The following SKOR2 variants were observed in gnomAD, a reference collection of about 807,000 sequenced individuals.
SKOR2 encodes the protein LBX1 corepressor 1-like protein.
A neutral mutation model predicts 69.1 loss-of-function variants in SKOR2; 47 were observed. That is an observed-to-expected ratio of 0.68 (90% confidence interval 0.54 to 0.87). SKOR2 has a LOEUF of 0.87. SKOR2 is among the 40% of genes least tolerant of loss of function. The pLI is 0.00. For synonymous variants in SKOR2, 717 were observed against 672.6 expected (o/e 1.07, Z -1.02); for missense variants, 1,404 against 1,472.2 (o/e 0.95, Z 0.76).
intron 4 of SKOR2, among the ~76,000 whole-genome samples, chr18:47,233,842 G>A (rs72913180): frequency 0.012 from 1,865 of 152,196 alleles, 24 homozygotes; most frequent in Non-Finnish European, 0.019. Context: ...CTTTACATTG[G>A]TATGAAACCA....
chr18:47,250,958 A>T (rs1600054781), intron 1 of SKOR2, among the ~76,000 whole-genome samples: 1 of 152,084 alleles, frequency 6.6e-6, no homozygotes. Context: ...CTCCCCAGCA[A>T]GGCGCGCGGC....
chr18:47,215,628 G>T (rs1300291107), intron 7 of SKOR2, among the ~76,000 whole-genome samples: 1 of 152,112 alleles, frequency 6.6e-6, no homozygotes, highest in Admixed American at 6.6e-5. Context: ...CAAAACATTA[G>T]TCCTTAATCT....
intron 7 of SKOR2, among the ~76,000 whole-genome samples, chr18:47,214,066 G>A (rs189266214): frequency 9.9e-4 from 150 of 152,266 alleles, no homozygotes; most frequent in Admixed American, 2.4e-3. Context: ...CATTTAAGAA[G>A]AGCCCTCAAC....
intron 7 of SKOR2, among the ~76,000 whole-genome samples, chr18:47,217,351 T>C (rs1277346435): frequency 6.6e-6 from 1 of 152,210 alleles, no homozygotes; most frequent in African/African-American, 2.4e-5. Flanking sequence ...GCCGTTCATT[T>C]TGGTTGAGGA....
At chr18:47,237,058 CTTG>C (rs1469448486) in intron 4 of SKOR2, among the ~76,000 whole-genome samples, 6 of 152,216 alleles carry the variant, frequency 3.9e-5, no homozygotes, top group Non-Finnish European at 8.8e-5. Flanking sequence ...TCCACAAATA[CTTG>C]TTGTACTTTT....
intron 7 of SKOR2, among the ~76,000 whole-genome samples, chr18:47,214,412 C>G (rs2064137468): frequency 6.6e-6 from 1 of 152,080 alleles, no homozygotes; most frequent in African/African-American, 2.4e-5. Context: ...GAAGAATTAT[C>G]CCTACTAGAA....
chr18:47,248,248 G>A lies in SKOR2; in HGVS notation c.936C>T (p.Asp312=). 8.2e-7 allele frequency: 1 copy of A among 1,222,554 alleles called. No individual in the cohort carries two copies. The highest frequency in any genetic ancestry group is 1.0e-6 in the Non-Finnish European group (1 of 983,580). 75.7% of individuals were successfully genotyped at this position (1,222,554 alleles called of 1,614,324 possible). A position where few individuals can be genotyped will look rare whatever the true frequency, so the allele number is the denominator to read the frequency against. ...PHAHHKRPRF[D]DDDDSLQEAA... ...CCTCCTGCAAGGAGTCGTCGTCGTC[G>A]TCGAAGCGCGGCCGCTTGTGATGGG... Residue 312 remains aspartate, a synonymous_variant, in exon 2 of 9, where the codon GAC becomes GAT. Coordinates refer to ENST00000425639, the MANE Select transcript of SKOR2 (RefSeq NM_001278063.4). This position sits in a 1 kb window ranked among gnomAD's most constrained non-coding sequence, Gnocchi z 6.4.
At chr18:47,219,631 A>G (rs937547790) in intron 7 of SKOR2, among the ~76,000 whole-genome samples, 5 of 152,202 alleles carry the variant, frequency 3.3e-5, no homozygotes, top group Non-Finnish European at 7.4e-5. Context: ...CTGAGCTCGT[A>G]GCATAGCCCA....
chr18:47,221,839 A>G (rs1026745320), intron 6 of SKOR2, among the ~76,000 whole-genome samples: 2 of 152,250 alleles, frequency 1.3e-5, no homozygotes, highest in African/African-American at 2.4e-5. Context: ...GGCCTACCAC[A>G]GTGCCTGGCA....
chr18:47,218,607 A>AT, intron 7 of SKOR2, among the ~76,000 whole-genome samples: 1 of 151,846 alleles, frequency 6.6e-6, no homozygotes, highest in African/African-American at 2.4e-5. Context: ...AAAAAAAAAA[A>AT]AAATCTGAAA....
At chr18:47,233,832 C>G (rs1028917108) in intron 4 of SKOR2, among the ~76,000 whole-genome samples, 5 of 152,156 alleles carry the variant, frequency 3.3e-5, no homozygotes, top group Admixed American at 3.3e-4. Flanking sequence ...TAATTAGTAG[C>G]TTTACATTGG....
chr18:47,231,183 G>T, intron 4 of SKOR2, 183 bp from the exon 5 acceptor site: 1 of 1,535,944 alleles, frequency 6.5e-7, no homozygotes. Context: ...CGGAGGGGAG[G>T]TGCAGAAAAG....
chr18:47,245,043 A>T, intron 3 of SKOR2, 61 bp from the exon 4 acceptor site: 1 of 1,450,006 alleles, frequency 6.9e-7, no homozygotes, highest in Non-Finnish European at 9.2e-7. Context: ...GCACACAAAG[A>T]TCCAATTTTT....
rs2064287211 is a variant in SKOR2 at position 47,247,701 on chromosome 18, G to T, written c.1483C>A (p.Leu495Ile). 5.1e-6 allele frequency: 7 copies of T among 1,364,248 alleles called. No homozygotes were observed. Among genetic ancestry groups the T allele is most frequent in the African/African-American group, 1.5e-5 (1 of 65,130 alleles). 84.5% of individuals were successfully genotyped at this position (1,364,248 alleles called of 1,614,324 possible). ...LQPPPQPPSA[L>I]GCALGESPAL... ...GGGCTTTCGCCTAGCGCGCAGCCTAGCGCCGAGGGCGGCTGAGGCGGGGGC... is the reference window on the plus strand; with the variant it reads ...GGGCTTTCGCCTAGCGCGCAGCCTATCGCCGAGGGCGGCTGAGGCGGGGGC... The change falls in exon 2 of 9, where the codon CTA becomes ATA. Residue 495 changes from leucine (L) to isoleucine (I), a missense_variant. By Grantham distance (5) the Leu-to-Ile change is conservative. Transcript: ENST00000425639. This position sits in a 1 kb window ranked among gnomAD's most constrained non-coding sequence, Gnocchi z 6.6.
chr18:47,229,323 CT>C (rs2064189036), intron 6 of SKOR2, among the ~76,000 whole-genome samples: 1 of 151,994 alleles, frequency 6.6e-6, no homozygotes, highest in South Asian at 2.1e-4. Flanking sequence ...AAAAAGTGCC[CT>C]GGAAAAAATT....
At chr18:47,213,549 C>A (rs1210140333) in intron 7 of SKOR2, among the ~76,000 whole-genome samples, 1 of 151,544 alleles carries the variant, frequency 6.6e-6, no homozygotes, top group South Asian at 2.1e-4. Context: ...AAGAGTTGGA[C>A]CATTTTACTG....
In SKOR2 at chr18:47,247,078, GGGCGGCGGCGGC is replaced by G. The variant is rs753158744; in HGVS notation, c.2094_2105del (p.Pro703_Pro706del). 41 of 1,369,238 alleles carry G rather than the reference GGGCGGCGGCGGC, an allele frequency of 3.0e-5. No homozygotes were observed. Among genetic ancestry groups the G allele is most frequent in the Middle Eastern group, 2.6e-4 (1 of 3,794 alleles). The allele number at this position is 1,369,238 out of a possible 1,614,324, so 84.8% of individuals were successfully genotyped here. A position where few individuals can be genotyped will look rare whatever the true frequency, so the allele number is the denominator to read the frequency against. ...GGTGCTGGGCCAGAGGGGGCGGCGG[GGGCGGCGGCGGC>G]GGCGGCGGCGGGGCCGGGTGGTGGC... On this transcript the variant is annotated inframe_deletion, in exon 2 of 9. Coordinates refer to ENST00000425639, the MANE Select transcript of SKOR2 (RefSeq NM_001278063.4). The surrounding 1 kb of genome is among the most constrained non-coding windows in gnomAD (Gnocchi z 6.6).
chr18:47,213,783 G>A (rs2064135327), intron 7 of SKOR2, among the ~76,000 whole-genome samples: 1 of 152,098 alleles, frequency 6.6e-6, no homozygotes, highest in East Asian at 1.9e-4. Flanking sequence ...GCTGAGATCA[G>A]CTAGATAACT....
intron 6 of SKOR2, among the ~76,000 whole-genome samples, chr18:47,227,206 C>T (rs181038428): frequency 7.4e-4 from 112 of 151,990 alleles, no homozygotes; most frequent in African/African-American, 2.7e-3. Context: ...TTTCCCTCTA[C>T]CCTTCCTCCT....
Sources: allele counts gnomAD v4.1 joint callset (sites outside exome capture counted in the v4.1 genomes callset), GRCh38; gene constraint gnomAD v4.1.1; non-coding constraint Gnocchi (gnomAD v3.1); transcripts MANE v1.5; gene names NCBI Gene and HGNC (gene_info 2026-07-23, HGNC 2026-07-21).